Variants in RBFOX1 observed in about 807,000 individuals in gnomAD.
The protein encoded by RBFOX1 is RNA binding protein fox-1 homolog 1.
RBFOX1 carries 8 observed loss-of-function variants against 57.7 expected under a neutral mutation model. That is an observed-to-expected ratio of 0.14 (90% CI 0.08 to 0.25). The LOEUF (loss-of-function observed/expected upper bound fraction) is 0.25. Ranked by LOEUF, RBFOX1 falls within the 10% of genes least tolerant of loss-of-function variation. RBFOX1 has a pLI of 1.00. For missense variants in RBFOX1, 611 were observed against 548.5 expected (o/e 1.11, Z -1.14); for synonymous variants, 326 against 222.4 (o/e 1.47, Z -4.15).
At chr16:5,825,792 A>AATATTCCTTAATATGAATAAGGAATG in intron 3 of RBFOX1, among the ~76,000 whole-genome samples, 8 of 146,722 alleles carry the variant, frequency 5.5e-5, no homozygotes, top group African/African-American at 2.0e-4. Context: ...AATAAGGAAT[A>AATATTCCTTAATATGAATAAGGAATG]ATATTCCTTA....
At chr16:6,565,163 G>C (rs1309208132) in intron 2 of RBFOX1, among the ~76,000 whole-genome samples, 2 of 149,682 alleles carry the variant, frequency 1.3e-5, no homozygotes. Context: ...AACAGGGAAG[G>C]TAAACTACAG....
At chr16:5,601,089 A>G (rs1483403023), downstream of RBFOX1, 1 of 152,222 alleles carries the variant, frequency 6.6e-6, no homozygotes, top group African/African-American at 2.4e-5. Context: ...GAAGCACGAA[A>G]GTATTGTATT....
At chr16:6,075,757 G>T (rs1023645993) in intron 1 of RBFOX1, among the ~76,000 whole-genome samples, 10 of 152,152 alleles carry the variant, frequency 6.6e-5, no homozygotes, top group Admixed American at 2.6e-4. Flanking sequence ...AGGAACTTGG[G>T]GAACTTCTAA....
At chr16:7,536,601 T>C (rs887062223) in intron 5 of RBFOX1, among the ~76,000 whole-genome samples, 1 of 151,936 alleles carries the variant, frequency 6.6e-6, no homozygotes, top group Admixed American at 6.6e-5. Flanking sequence ...CTCAAAAAAA[T>C]AATAATAATT....
At chr16:5,365,389 T>C (rs2151352985) in intron 1 of RBFOX1, among the ~76,000 whole-genome samples, 1 of 152,298 alleles carries the variant, frequency 6.6e-6, no homozygotes, top group Admixed American at 6.5e-5. Context: ...TGTTACCGGC[T>C]AGGCACAGTG....
chr16:7,156,356 CATGCACATATACATATGCGTGTACATAT>C (rs1490064131), intron 4 of RBFOX1, among the ~76,000 whole-genome samples: 1 of 151,774 alleles, frequency 6.6e-6, no homozygotes, highest in African/African-American at 2.4e-5. Context: ...TGTACATATA[CATGCACATATACATATGCGTGTACATAT>C]ATGCACACAT....
At chr16:7,390,658 A>C (rs1343758291) in intron 4 of RBFOX1, among the ~76,000 whole-genome samples, 1 of 152,186 alleles carries the variant, frequency 6.6e-6, no homozygotes, top group African/African-American at 2.4e-5. Context: ...TGAATTTATA[A>C]ATTTGGTGAT....
At chr16:6,260,121 A>G (rs2097692874) in intron 1 of RBFOX1, among the ~76,000 whole-genome samples, 1 of 152,164 alleles carries the variant, frequency 6.6e-6, no homozygotes, top group Admixed American at 6.5e-5. Flanking sequence ...TCTTGATCCT[A>G]GATAGCCATT....
intron 4 of RBFOX1, among the ~76,000 whole-genome samples, chr16:5,986,300 G>A (rs945979458): frequency 4.6e-5 from 7 of 152,258 alleles, no homozygotes; most frequent in East Asian, 1.9e-4. Flanking sequence ...CTGACCTCAG[G>A]CCATCTACCC....
At chr16:7,278,161 G>T (rs887130194) in intron 4 of RBFOX1, among the ~76,000 whole-genome samples, 4 of 152,142 alleles carry the variant, frequency 2.6e-5, no homozygotes, top group Non-Finnish European at 4.4e-5. Context: ...TGTGCACGTG[G>T]TTTTAAGTTG....
intron 1 of RBFOX1, among the ~76,000 whole-genome samples, chr16:5,392,314 G>A (rs1334541636): frequency 6.6e-6 from 1 of 151,908 alleles, no homozygotes; most frequent in Non-Finnish European, 1.5e-5. Context: ...TAAAATAAGG[G>A]CATAGTCACA....
chr16:6,242,523 C>T (rs2097545087), intron 1 of RBFOX1, among the ~76,000 whole-genome samples: 1 of 151,714 alleles, frequency 6.6e-6, no homozygotes, highest in Non-Finnish European at 1.5e-5. Context: ...GCTACAGCGC[C>T]TGGCCTGGTT....
At chr16:5,619,768 T>G (rs972251158) in intron 3 of RBFOX1, among the ~76,000 whole-genome samples, 2 of 152,132 alleles carry the variant, frequency 1.3e-5, no homozygotes, top group Middle Eastern at 3.2e-3. Flanking sequence ...CCCTTCTCTG[T>G]ACTTGGGCTC....
chr16:5,871,426 C>T lies in RBFOX1; in HGVS notation c.351+4091C>T, dbSNP rs115308279. ...ACACACATATTTGCACATTAATTGG[C>T]CCTGCATGGTTCCATTTTGTTCCTA... On this transcript the variant is annotated intron_variant, in intron 4 of 19. Transcript: ENST00000641259. 1.9e-3 allele frequency among the ~76,000 whole-genome samples: 295 copies of T among 152,306 alleles called. 1 individual carries two copies. Among genetic ancestry groups the T allele is most frequent in the African/African-American group, 6.8e-3 (284 of 41,556 alleles).
intron 1 of RBFOX1, among the ~76,000 whole-genome samples, chr16:5,316,816 C>A (rs1392700850): frequency 6.6e-6 from 1 of 152,162 alleles, no homozygotes; most frequent in African/African-American, 2.4e-5. Context: ...GCAGGTGCAT[C>A]TCTGAGGGTG....
At chr16:7,036,899 C>T (rs564105605) in intron 3 of RBFOX1, among the ~76,000 whole-genome samples, 2 of 152,266 alleles carry the variant, frequency 1.3e-5, no homozygotes, top group South Asian at 2.1e-4. Flanking sequence ...GCTTGTTTCC[C>T]ATTTTTATGG....
chr16:7,400,126 T>C (rs1461209689), intron 4 of RBFOX1, among the ~76,000 whole-genome samples: 2 of 152,304 alleles, frequency 1.3e-5, no homozygotes, highest in Middle Eastern at 3.4e-3. Flanking sequence ...GTTGGTATCC[T>C]AATCCGGAAT....
intron 1 of RBFOX1, among the ~76,000 whole-genome samples, chr16:5,245,243 C>A (rs1056302251): frequency 6.6e-6 from 1 of 152,112 alleles, no homozygotes; most frequent in Non-Finnish European, 1.5e-5. Context: ...ACTTACGGAC[C>A]TATCAGGTAC....
intron 4 of RBFOX1, among the ~76,000 whole-genome samples, chr16:5,926,847 C>T (rs548542750): frequency 6.6e-6 from 1 of 152,186 alleles, no homozygotes; most frequent in South Asian, 2.1e-4. Flanking sequence ...ACATTCTCAG[C>T]AACCTGTTAA....
Sources: allele counts gnomAD v4.1 joint callset (sites outside exome capture counted in the v4.1 genomes callset), GRCh38; gene constraint gnomAD v4.1.1; transcripts MANE v1.5; gene names NCBI Gene and HGNC (gene_info 2026-07-23, HGNC 2026-07-21).